Variants in RREB1 observed in about 807,000 individuals in gnomAD.
RREB1 encodes ras-responsive element-binding protein 1.
In RREB1, 27 loss-of-function variants were observed where a neutral mutation model predicts 117.8. That is an observed-to-expected ratio of 0.23 (90% CI 0.17 to 0.32). The LOEUF (loss-of-function observed/expected upper bound fraction) is 0.32. Among genes scored for constraint, RREB1 ranks in the 10% least tolerant of loss-of-function variants. RREB1 has a pLI of 1.00. For synonymous variants in RREB1, 1,298 were observed against 1,026.7 expected (o/e 1.26, Z -5.05); for missense variants, 2,577 against 2,378.2 (o/e 1.08, Z -1.74).
chr6:7,218,651 A>T (rs1410448947), intron 8 of RREB1: 2 of 152,156 alleles, frequency 1.3e-5, no homozygotes, highest in African/African-American at 2.4e-5. Flanking sequence ...TTTAACAGTG[A>T]TAGTTATTCC....
chr6:7,190,612 C>T (rs112435948), intron 6 of RREB1, among the ~76,000 whole-genome samples: 2 of 152,272 alleles, frequency 1.3e-5, no homozygotes, highest in Admixed American at 6.5e-5. Context: ...CTCTTTGCCC[C>T]TCATCTCTTC....
Position 7,246,539 on chromosome 6 carries a change from T to A in RREB1, c.4089T>A (p.Asp1363Glu). 6.5e-7 allele frequency: 1 copy of A among 1,547,602 alleles called. No individual in the cohort carries two copies. The change falls in exon 12 of 13, where the codon GAT becomes GAA. Residue 1363 changes from aspartate to glutamate, a missense_variant. By Grantham distance (45) the Asp-to-Glu change is conservative. Coordinates refer to ENST00000379938, the MANE Select transcript of RREB1 (RefSeq NM_001003699.4). Reference sequence around the variant, plus strand: ...CTGAGCTCCGCCAGGTCGCAGGGGATGCGCCTGTGGAGCAGGCCACGGCGG... The same window carrying A: ...CTGAGCTCCGCCAGGTCGCAGGGGAAGCGCCTGTGGAGCAGGCCACGGCGG... ...GATELRQVAGDAPVEQATAET... is the reference protein window; with the variant it reads ...GATELRQVAGEAPVEQATAET...
chr6:7,152,438 C>CA (rs1330374898), intron 1 of RREB1, among the ~76,000 whole-genome samples: 2 of 152,116 alleles, frequency 1.3e-5, no homozygotes, highest in Non-Finnish European at 1.5e-5. Flanking sequence ...ATCCACTCAC[C>CA]AAAAAACCCA....
At chr6:7,244,519 G>GA (rs1338075462) in intron 11 of RREB1, among the ~76,000 whole-genome samples, 1 of 152,164 alleles carries the variant, frequency 6.6e-6, no homozygotes, top group African/African-American at 2.4e-5. Flanking sequence ...AATGATTCAA[G>GA]AAAAACGAAC....
At chr6:7,162,913 G>A (rs1763740559) in intron 1 of RREB1, among the ~76,000 whole-genome samples, 1 of 151,736 alleles carries the variant, frequency 6.6e-6, no homozygotes, top group African/African-American at 2.4e-5. Context: ...CAGTGTCACG[G>A]TCAGTGCTCA....
intron 8 of RREB1, among the ~76,000 whole-genome samples, chr6:7,220,218 C>T (rs1257842741): frequency 6.6e-6 from 1 of 152,218 alleles, no homozygotes; most frequent in Admixed American, 6.5e-5. Context: ...CACTGGCCAA[C>T]GTGTGCTAGA....
chr6:7,161,023 G>A (rs1763635467), intron 1 of RREB1, among the ~76,000 whole-genome samples: 1 of 152,094 alleles, frequency 6.6e-6, no homozygotes, highest in African/African-American at 2.4e-5. Flanking sequence ...TCTAGATAGA[G>A]TTTCGCCATG....
rs1764778088 is a variant in RREB1, at chr6:7,181,243, G to T, written c.-46G>T. 2 of 398,954 alleles carry T rather than the reference G, an allele frequency of 5.0e-6. No individual in the cohort carries two copies. Among genetic ancestry groups the T allele is most frequent in the Non-Finnish European group, 8.8e-6 (2 of 226,358 alleles). The allele number at this position is 398,954 out of a possible 1,614,324, so 24.7% of individuals were successfully genotyped here. On this transcript the variant is annotated 5_prime_UTR_variant, in exon 3 of 13. An upstream start codon of the reference 5' UTR is lost. Coordinates refer to ENST00000379938, the MANE Select transcript of RREB1 (RefSeq NM_001003699.4). ...ATAGTCTATCAGTGGGTCAGAAAAT[G>T]GAGGTAATCAGCAGTGTGGCGGGAG... is the stretch of plus-strand genomic sequence containing the variant.
chr6:7,167,189 T>C (rs1249586574), intron 1 of RREB1, among the ~76,000 whole-genome samples: 3 of 152,122 alleles, frequency 2.0e-5, no homozygotes, highest in Non-Finnish European at 4.4e-5. Context: ...CTGACCAGGA[T>C]TGGTTTCAGC....
intron 1 of RREB1, among the ~76,000 whole-genome samples, chr6:7,114,436 C>T (rs1385187860): frequency 6.7e-6 from 1 of 150,086 alleles, no homozygotes; most frequent in African/African-American, 2.5e-5. Context: ...GGACTTTTGG[C>T]ACTGTCTGGA....
intron 4 of RREB1, among the ~76,000 whole-genome samples, chr6:7,187,097 T>C (rs1329145625): frequency 6.6e-6 from 1 of 151,400 alleles, no homozygotes; most frequent in East Asian, 1.9e-4. Flanking sequence ...TGCTTAATTT[T>C]TCACCATCAC....
chr6:7,110,875 T>C (rs545761826), intron 1 of RREB1, among the ~76,000 whole-genome samples: 36 of 152,362 alleles, frequency 2.4e-4, no homozygotes, highest in African/African-American at 8.4e-4. Flanking sequence ...TCTGGGTTTT[T>C]CTAGATACTG....
At chr6:7,174,303 G>T (rs994585349) in intron 1 of RREB1, among the ~76,000 whole-genome samples, 1 of 151,988 alleles carries the variant, frequency 6.6e-6, no homozygotes, top group African/African-American at 2.4e-5. Context: ...GTGAACTCTG[G>T]CTTTATATTG....
chr6:7,238,941 T>A (rs1024917764), intron 10 of RREB1, among the ~76,000 whole-genome samples: 106 of 152,192 alleles, frequency 7.0e-4, no homozygotes, highest in African/African-American at 2.3e-3. Context: ...ATGGGGGCGG[T>A]GCCAGGTCCA....
chr6:7,205,344 A>C (rs1376164683), intron 6 of RREB1, among the ~76,000 whole-genome samples: 5 of 152,198 alleles, frequency 3.3e-5, no homozygotes, highest in African/African-American at 1.2e-4. Context: ...TAGGAGACTG[A>C]CAGGATTGTC....
intron 1 of RREB1, among the ~76,000 whole-genome samples, chr6:7,122,960 G>A (rs1033092583): frequency 1.3e-5 from 2 of 152,182 alleles, no homozygotes; most frequent in African/African-American, 4.8e-5. Context: ...AAGAGTGCTG[G>A]ATAGTGGTGA....
Position 7,231,430 on chromosome 6 carries a change from G to A in RREB1, c.3331G>A (p.Ala1111Thr). The stretch of plus-strand genomic sequence containing the variant: ...CAGCTTAGGAGGTTCTGTCCCCAAA[G>A]CCGCCACCACCGCCACCCCCGCTGC... ...SDSLGGSVPK[A>T]ATTATPAATT... is the part of the protein sequence containing the mutation. Residue 1111 changes from alanine to threonine, a missense_variant, in exon 10 of 13, where the codon GCC (alanine) becomes ACC (threonine). Coordinates refer to ENST00000379938, the MANE Select transcript of RREB1 (RefSeq NM_001003699.4). 1 of 1,613,106 alleles carries A rather than the reference G, an allele frequency of 6.2e-7. No individual in the cohort carries two copies. The highest frequency in any genetic ancestry group is 8.5e-7 in the Non-Finnish European group (1 of 1,179,842).
At chr6:7,216,233 T>TG (rs1766893130) in intron 8 of RREB1, 1 of 152,082 alleles carries the variant, frequency 6.6e-6, no homozygotes, top group African/African-American at 2.4e-5. Flanking sequence ...AGTTCAGGGG[T>TG]GAGTTCAGGG....
At chr6:7,157,883 A>T (rs1412363993) in intron 1 of RREB1, among the ~76,000 whole-genome samples, 1 of 151,704 alleles carries the variant, frequency 6.6e-6, no homozygotes, top group East Asian at 1.9e-4. Flanking sequence ...TAATGCCTTC[A>T]CATTTGTCTG....
Sources: allele counts gnomAD v4.1 joint callset (sites outside exome capture counted in the v4.1 genomes callset), GRCh38; gene constraint gnomAD v4.1.1; transcripts MANE v1.5; gene names NCBI Gene and HGNC (gene_info 2026-07-23, HGNC 2026-07-21).